The following ANKRD30B variants were observed in gnomAD, a reference collection of about 807,000 sequenced individuals.
ANKRD30B encodes the protein ankyrin repeat domain 30B, also known as ankyrin repeat domain-containing protein 30B.
ANKRD30B carries 144 observed loss-of-function variants against 202.2 expected under a neutral mutation model. The ratio of observed to expected loss-of-function variants is 0.71; its 90% CI spans 0.62 to 0.82. The LOEUF (loss-of-function observed/expected upper bound fraction) is 0.82. ANKRD30B is among the 40% of genes least tolerant of loss of function. The pLI is 0.00. For missense variants in ANKRD30B, 1,487 were observed against 1,669.1 expected, an observed-to-expected ratio of 0.89 and a Z score of 1.90; for synonymous variants, 508 against 561.3, an observed-to-expected ratio of 0.91 and a Z score of 1.34.
chr18:14,782,809 G>A (rs562789381), intron 12 of ANKRD30B, among the ~76,000 whole-genome samples, 195 bp downstream of exon 12: 41 of 152,172 alleles, frequency 2.7e-4, no homozygotes, highest in Middle Eastern at 3.4e-3. Context: ...GAAAAAAACC[G>A]AATTATTTGT....
At chr18:14,907,888 G>T in the ANKRD30B span, among the ~76,000 whole-genome samples, 5 of 147,608 alleles carry the variant, frequency 3.4e-5, no homozygotes, top group African/African-American at 1.3e-4. Context: ...CTGCACATGG[G>T]TATCTCTGCC....
At chr18:14,939,835 C>T in the ANKRD30B span, among the ~76,000 whole-genome samples, 2 of 152,206 alleles carry the variant, frequency 1.3e-5, no homozygotes, top group Non-Finnish European at 2.9e-5. Context: ...AGGCATAGCA[C>T]GTGGAGGGAC....
the ANKRD30B span, chr18:14,888,888 T>G: frequency 9.2e-7 from 1 of 1,085,406 alleles, no homozygotes; most frequent in African/African-American, 1.6e-5. Flanking sequence ...CAATCTTCAT[T>G]GCATTCTTTC....
chr18:14,759,686 G>A (rs12959658), intron 5 of ANKRD30B, among the ~76,000 whole-genome samples: 2 of 151,936 alleles, frequency 1.3e-5, no homozygotes, highest in African/African-American at 2.4e-5. Context: ...TCTGCCCTTG[G>A]TGTGATTGAT....
the ANKRD30B span, among the ~76,000 whole-genome samples, chr18:14,914,083 C>T: frequency 6.6e-6 from 1 of 152,142 alleles, no homozygotes; most frequent in African/African-American, 2.4e-5. Context: ...TCATAACTTC[C>T]CTGCTGTCAC....
intron 7 of ANKRD30B, among the ~76,000 whole-genome samples, chr18:14,765,341 T>C (rs967088279): frequency 7.9e-5 from 12 of 151,870 alleles, no homozygotes; most frequent in African/African-American, 2.9e-4. Context: ...CACGTGCCTG[T>C]AATCCCAGCT....
chr18:14,856,434 A>G (rs1279573345), downstream of ANKRD30B, among the ~76,000 whole-genome samples: 1 of 145,104 alleles, frequency 6.9e-6, no homozygotes, highest in African/African-American at 2.5e-5. Flanking sequence ...GGCCGGGCAG[A>G]GGCGCTCCTC....
the ANKRD30B span, among the ~76,000 whole-genome samples, chr18:14,863,164 C>T: frequency 6.6e-6 from 1 of 152,124 alleles, no homozygotes; most frequent in Non-Finnish European, 1.5e-5. Flanking sequence ...ATGAGAAGGA[C>T]ATGAGATTTG....
chr18:14,855,933 C>T (rs1304538297), downstream of ANKRD30B, among the ~76,000 whole-genome samples: 20 of 144,532 alleles, frequency 1.4e-4, no homozygotes, highest in South Asian at 2.3e-4. Flanking sequence ...CCAGATGAGG[C>T]GGCCTGGCAG....
the ANKRD30B span, among the ~76,000 whole-genome samples, chr18:14,874,313 T>C: frequency 6.6e-6 from 1 of 152,322 alleles, no homozygotes; most frequent in African/African-American, 2.4e-5. Context: ...TAATTATTAT[T>C]ATTATTTGCT....
chr18:14,775,800 G>A (rs565178332), intron 9 of ANKRD30B, among the ~76,000 whole-genome samples: 74 of 152,326 alleles, frequency 4.9e-4, no homozygotes, highest in African/African-American at 1.8e-3. Flanking sequence ...TAACAGCAAT[G>A]AGTGGATGTC....
chr18:14,868,603 G>T, the ANKRD30B span, among the ~76,000 whole-genome samples: 2 of 152,250 alleles, frequency 1.3e-5, no homozygotes. Context: ...TGCTGTGGCA[G>T]GTCCCCTGCC....
At chr18:14,817,731 A>G (rs1385015896) in intron 30 of ANKRD30B, among the ~76,000 whole-genome samples, 2 of 152,220 alleles carry the variant, frequency 1.3e-5, no homozygotes, top group East Asian at 3.8e-4. Flanking sequence ...TATTAATGGT[A>G]TCATTATATA....
the ANKRD30B span, among the ~76,000 whole-genome samples, chr18:14,897,205 A>T: frequency 4.6e-5 from 7 of 152,192 alleles, no homozygotes; most frequent in African/African-American, 1.7e-4. Flanking sequence ...CTGGAATAGG[A>T]AGTGTAACAA....
the ANKRD30B span, among the ~76,000 whole-genome samples, chr18:14,864,736 C>A: frequency 6.6e-6 from 1 of 152,034 alleles, no homozygotes; most frequent in African/African-American, 2.4e-5. Flanking sequence ...CTCCCCACTC[C>A]TGCTGCTCGC....
chr18:14,749,164 A>T (rs1912998826), intron 1 of ANKRD30B, among the ~76,000 whole-genome samples: 1 of 152,192 alleles, frequency 6.6e-6, no homozygotes, highest in African/African-American at 2.4e-5. Context: ...TTAGAAGGAA[A>T]CTTCGAGGTG....
intron 5 of ANKRD30B, chr18:14,759,070 C>T (rs1446286320): frequency 6.6e-6 from 1 of 152,118 alleles, no homozygotes; most frequent in Admixed American, 6.5e-5. Context: ...TTTTCAAATT[C>T]TGCATTACCA....
At chr18:14,781,468 T>G (rs1967741319) in intron 11 of ANKRD30B, among the ~76,000 whole-genome samples, 2 of 151,656 alleles carry the variant, frequency 1.3e-5, no homozygotes, top group Non-Finnish European at 3.0e-5. Flanking sequence ...CTAATTTTTT[T>G]GCATTTTTTT....
chr18:14,820,587 T>G (rs1399842186), intron 30 of ANKRD30B, among the ~76,000 whole-genome samples: 1 of 152,252 alleles, frequency 6.6e-6, no homozygotes, highest in Admixed American at 6.5e-5. Flanking sequence ...TGTTGAATTT[T>G]GTCAAAGGCT....
Sources: gnomAD v4.1 joint callset for allele counts (sites outside exome capture counted in the v4.1 genomes callset) on GRCh38, gnomAD v4.1.1 for gene constraint, MANE v1.5 for transcripts, NCBI Gene and HGNC (gene_info 2026-07-23, HGNC 2026-07-21) for gene names.